The following TEX35 variants were observed in gnomAD, a reference collection of about 807,000 sequenced individuals.
TEX35 encodes the protein testis expressed 35, also known as testis-expressed protein 35.
In TEX35, 26 loss-of-function variants were observed where a neutral mutation model predicts 31.9. The ratio of observed to expected loss-of-function variants is 0.81; its 90% CI spans 0.60 to 1.13. The LOEUF is 1.13. TEX35 is among the 50% of genes most tolerant of loss of function. The probability of loss-of-function intolerance (pLI) is 0.00; values close to 1 mark genes in which losing one functional copy is unlikely to be tolerated. For synonymous variants in TEX35, 87 were observed against 90.7 expected (o/e 0.96, Z 0.23); for missense variants, 278 against 273.5 (o/e 1.02, Z -0.12).
chr1:178,514,062 G>A lies in TEX35; in HGVS notation c.75G>A (p.Lys25=). Residue 25 remains lysine (K), a synonymous_variant, in exon 2 of 9, where the codon AAG becomes AAA. Coordinates refer to ENST00000319416, the MANE Select transcript of TEX35 (RefSeq NM_032126.5). ...ACAAGGCAGTTTGCCTGGAATTGAA[G>A]CCAGAGCCGACCAAAGTAAGAAGCC... ...KNYKAVCLEL[K]PEPTKTFDYK... is the part of the protein sequence containing the mutation. 1.2e-6 allele frequency: 2 copies of A among 1,614,224 alleles called. No individual in the cohort carries two copies. The highest frequency in any genetic ancestry group is 1.7e-6 in the Non-Finnish European group (2 of 1,180,044).
At chr1:178,514,159 G>A (rs773608442) in intron 2 of TEX35, 82 bp downstream of exon 2, 5 of 1,609,748 alleles carry the variant, frequency 3.1e-6, no homozygotes, top group Non-Finnish European at 4.2e-6. Context: ...GTCATTTGCT[G>A]ATCCTAGTGG....
intron 1 of TEX35, 110 bp downstream of exon 1, chr1:178,513,337 T>C (rs999432334): frequency 5.7e-6 from 8 of 1,391,836 alleles, no homozygotes; most frequent in Non-Finnish European, 8.0e-6. Context: ...CTCTGGTTTT[T>C]CTTTCTCTGT....
intron 2 of TEX35, chr1:178,514,328 C>A: frequency 2.3e-6 from 3 of 1,321,076 alleles, no homozygotes; most frequent in Non-Finnish European, 3.1e-6. Flanking sequence ...TGAGTGGCTG[C>A]CGTGGAGTGG....
intron 8 of TEX35, chr1:178,521,692 G>T: frequency 6.4e-7 from 1 of 1,551,926 alleles, no homozygotes; most frequent in Non-Finnish European, 8.7e-7. Flanking sequence ...GAACCTACCA[G>T]CAGTTCCGAT....
At chr1:178,516,227 C>T (rs145628402) in intron 4 of TEX35, among the ~76,000 whole-genome samples, 180 of 152,374 alleles carry the variant, frequency 1.2e-3, no homozygotes, top group African/African-American at 4.1e-3. Context: ...CCAACCCCAT[C>T]TTCCTTATTC....
chr1:178,521,311 G>A, intron 8 of TEX35, 47 bp downstream of exon 8: 1 of 1,609,482 alleles, frequency 6.2e-7, no homozygotes, highest in Non-Finnish European at 8.5e-7. Context: ...CAGGTGCCTT[G>A]TTGTCCCCAA....
At chr1:178,521,009 A>T (rs751696574) in intron 7 of TEX35, 135 bp downstream of exon 7, 1 of 1,540,168 alleles carries the variant, frequency 6.5e-7, no homozygotes, top group Non-Finnish European at 8.7e-7. Context: ...GTGCCGCCCG[A>T]GCCTGCGCCC....
intron 1 of TEX35, among the ~76,000 whole-genome samples, chr1:178,513,680 G>A (rs1649957577): frequency 1.3e-5 from 2 of 152,266 alleles, no homozygotes; most frequent in Admixed American, 6.5e-5. Flanking sequence ...AGACTATAGT[G>A]CAAATCTGCC....
rs1395323127 is a variant in TEX35 at position 178,522,437 on chromosome 1, G to C, written c.699G>C (p.Arg233Ser). Reference sequence around the variant, plus strand: ...CCCCAAAGTCCCAGACTGAGGGAAGGTGAAGCTTAACTGCCAGCTTGAAAT... The same window carrying C: ...CCCCAAAGTCCCAGACTGAGGGAAGCTGAAGCTTAACTGCCAGCTTGAAAT... The part of the protein sequence containing the change: ...VPAPKSQTEG[R>S] Residue 233 changes from arginine to serine, a missense_variant, in exon 9 of 9, where the codon AGG (arginine) becomes AGC (serine). Arg to Ser is a moderately radical substitution (Grantham distance 110). Transcript: ENST00000319416. 1 of 1,593,724 alleles carries C rather than the reference G, an allele frequency of 6.3e-7. No homozygotes were observed. Among genetic ancestry groups the C allele is most frequent in the Non-Finnish European group, 8.6e-7 (1 of 1,168,650 alleles).
At position 178,521,850 on chromosome 1, in the gene TEX35, AGT is replaced by A. The variant is rs772633157; in HGVS notation, c.587-469_587-468del. On this transcript the variant is annotated intron_variant, in intron 8 of 8. Transcript: ENST00000319416. ...GTTTTGAGTACCAGTCCAAAACTTG[AGT>A]GTGTGGAGGTTGATTATTTTTGGTT... is the stretch of plus-strand genomic sequence containing the variant. 2.7e-5 allele frequency: 40 copies of A among 1,507,434 alleles called. 1 individual carries two copies. The highest frequency in any genetic ancestry group is 3.5e-5 in the Non-Finnish European group (39 of 1,129,050). 93.4% of individuals were successfully genotyped at this position (1,507,434 alleles called of 1,614,324 possible).
intron 3 of TEX35, among the ~76,000 whole-genome samples, chr1:178,515,470 G>T (rs1222019143): frequency 6.6e-6 from 1 of 152,104 alleles, no homozygotes; most frequent in Non-Finnish European, 1.5e-5. Flanking sequence ...GGCTTTGTCT[G>T]TTGGATTCCT....
rs2101892849 is a variant in TEX35, at chr1:178,514,068, G to C, written c.81G>C (p.Glu27Asp). Residue 27 changes from glutamate to aspartate, a missense_variant, in exon 2 of 9, where the codon GAG becomes GAC. Glu to Asp is a conservative substitution (Grantham distance 45). Coordinates refer to ENST00000319416, the MANE Select transcript of TEX35 (RefSeq NM_032126.5). ...YKAVCLELKP[E>D]PTKTFDYKAV... ...CAGTTTGCCTGGAATTGAAGCCAGAGCCGACCAAAGTAAGAAGCCCTTTTG... is the reference window on the plus strand; with the variant it reads ...CAGTTTGCCTGGAATTGAAGCCAGACCCGACCAAAGTAAGAAGCCCTTTTG... 1 of 1,614,222 alleles carries C rather than the reference G, an allele frequency of 6.2e-7. No homozygotes were observed. The highest frequency in any genetic ancestry group is 1.1e-5 in the South Asian group (1 of 91,084).
At chr1:178,519,459 A>G (rs4387136) in intron 5 of TEX35, among the ~76,000 whole-genome samples, 58,134 of 151,860 alleles carry the variant, frequency 0.38, 11,631 homozygotes, top group Middle Eastern at 0.48. Context: ...GGACATTTTG[A>G]CTCTGATGTT....
At chr1:178,513,291 G>A in intron 1 of TEX35, 64 bp downstream of exon 1, 1 of 1,593,162 alleles carries the variant, frequency 6.3e-7, no homozygotes, top group South Asian at 1.1e-5. Context: ...TGGAGATGGT[G>A]TCGGGGCAAG....
chr1:178,513,646 CAG>C (rs1419360276), intron 1 of TEX35, among the ~76,000 whole-genome samples: 1 of 152,266 alleles, frequency 6.6e-6, no homozygotes, highest in Non-Finnish European at 1.5e-5. Context: ...CCCAAAATAA[CAG>C]AGATAGTAGA....
Position 178,515,969 on chromosome 1 carries a change from A to G in TEX35, c.216+54A>G, listed in dbSNP as rs1650061119. Reference sequence around the variant, plus strand: ...GAGGGAAAGTGTAGCTTCAGGAAAAATGCAATCCTTAAGTTTGAATAGTGA... The same window carrying G: ...GAGGGAAAGTGTAGCTTCAGGAAAAGTGCAATCCTTAAGTTTGAATAGTGA... On this transcript the variant is annotated intron_variant, in intron 4 of 8. Coordinates refer to ENST00000319416, the MANE Select transcript of TEX35 (RefSeq NM_032126.5). The G allele has an allele frequency of 3.6e-6, 5 of 1,404,840 alleles. No individual in the cohort carries two copies. In the Admixed American group the frequency reaches 6.9e-5, roughly 19 times the overall value. The allele number at this position is 1,404,840 out of a possible 1,614,324, so 87.0% of individuals were successfully genotyped here.
In TEX35 at chr1:178,513,218, A is replaced by G. The variant is rs1362027013; in HGVS notation, c.30A>G (p.Lys10=). The G allele has an allele frequency of 1.9e-6, 3 of 1,614,112 alleles. No individual in the cohort carries two copies. The highest frequency in any genetic ancestry group is 2.5e-6 in the Non-Finnish European group (3 of 1,180,038). The change falls in exon 1 of 9, where the codon AAA becomes AAG. Residue 10 remains lysine, a synonymous_variant. Transcript: ENST00000319416. ...CGGCCAAGAGGGCAGAATTGAAGAAAACACATCTGGTAAAAGAGAGACATT... is the reference window on the plus strand; with the variant it reads ...CGGCCAAGAGGGCAGAATTGAAGAAGACACATCTGGTAAAAGAGAGACATT... MSAKRAELK[K]THLSKNYKAV...
intron 5 of TEX35, 142 bp from the exon 6 acceptor site, chr1:178,520,230 G>A (rs553919074): frequency 5.7e-5 from 41 of 722,610 alleles, no homozygotes; most frequent in South Asian, 2.2e-4. Context: ...TACATGTCAC[G>A]GACACTCCAA....
chr1:178,521,307 C>T, intron 8 of TEX35, 43 bp downstream of exon 8: 1 of 1,608,752 alleles, frequency 6.2e-7, no homozygotes, highest in Non-Finnish European at 8.5e-7. Context: ...CGATCAGGTG[C>T]CTTGTTGTCC....
Sources: allele counts gnomAD v4.1 joint callset (sites outside exome capture counted in the v4.1 genomes callset), GRCh38; gene constraint gnomAD v4.1.1; transcripts MANE v1.5; gene names NCBI Gene and HGNC (gene_info 2026-07-23, HGNC 2026-07-21).